The following TMEM236 variants were observed in gnomAD, a reference collection of about 807,000 sequenced individuals.
TMEM236 encodes the protein transmembrane protein 236.
Under a neutral mutation model 14.7 loss-of-function variants are expected in TMEM236, and 11 were observed. The ratio of observed to expected loss-of-function variants is 0.75; its 90% CI spans 0.47 to 1.24. The LOEUF is 1.24. TMEM236 is among the 50% of genes most tolerant of loss of function. The probability of loss-of-function intolerance (pLI) is 0.00; values close to 1 mark genes in which losing one functional copy is unlikely to be tolerated. For missense variants in TMEM236, 464 were observed against 427.3 expected (o/e 1.09, Z -0.76); for synonymous variants, 182 against 168.6 (o/e 1.08, Z -0.62).
chr10:17,770,676 C>A (rs575524900), intron 1 of TMEM236, among the ~76,000 whole-genome samples: 1 of 152,314 alleles, frequency 6.6e-6, no homozygotes, highest in South Asian at 2.1e-4. Flanking sequence ...AGCCACCGTG[C>A]CCGGCCACAT....
chr10:17,765,462 C>G (rs1837447403), intron 1 of TMEM236, among the ~76,000 whole-genome samples: 1 of 152,118 alleles, frequency 6.6e-6, no homozygotes, highest in African/African-American at 2.4e-5. Flanking sequence ...TCAAAATCAT[C>G]CAAACAAGGT....
At chr10:17,775,360 G>A (rs965685313) in intron 2 of TMEM236, among the ~76,000 whole-genome samples, 3 of 152,042 alleles carry the variant, frequency 2.0e-5, no homozygotes, top group Admixed American at 2.0e-4. Flanking sequence ...CTGCAGCCTC[G>A]ACCTCCTGGG....
chr10:17,759,875 C>T (rs1307772937), intron 1 of TMEM236, among the ~76,000 whole-genome samples: 3 of 142,980 alleles, frequency 2.1e-5, no homozygotes, highest in African/African-American at 7.8e-5. Flanking sequence ...CCCAGCTACT[C>T]GGGAGGCTGA....
Position 17,798,429 on chromosome 10 carries a change from C to T in TMEM236, c.*1925C>T, listed in dbSNP as rs946512327. ...TGATCTGCAACTATAGTCCCAGCTA[C>T]TTAGGAGGCTGGGGCAGGAAGATTG... On this transcript the variant is annotated 3_prime_UTR_variant, in exon 4 of 4. Coordinates refer to ENST00000377495, the MANE Select transcript of TMEM236 (RefSeq NM_001098844.3). 369 of 409,062 alleles carry T rather than the reference C, an allele frequency of 9.0e-4. No individual in the cohort carries two copies. Among genetic ancestry groups the T allele is most frequent in the Admixed American group, 1.5e-3 (49 of 32,380 alleles). 25.3% of individuals were successfully genotyped at this position (409,062 alleles called of 1,614,324 possible).
chr10:17,772,609 T>G (rs1276079751), intron 2 of TMEM236, among the ~76,000 whole-genome samples: 1 of 152,112 alleles, frequency 6.6e-6, no homozygotes, highest in Non-Finnish European at 1.5e-5. Context: ...TCTTACTTAA[T>G]TTTCACCGAA....
intron 2 of TMEM236, among the ~76,000 whole-genome samples, chr10:17,774,888 C>T (rs1837634981): frequency 6.6e-6 from 1 of 151,812 alleles, no homozygotes; most frequent in Non-Finnish European, 1.5e-5. Context: ...ACCTCTGCCT[C>T]CTGGGTTCAA....
At position 17,752,567 on chromosome 10, in the gene TMEM236, T is replaced by C; in HGVS notation, c.257+15T>C. The C allele has an allele frequency of 6.2e-7, 1 of 1,610,412 alleles. No homozygotes were observed. Among genetic ancestry groups the C allele is most frequent in the Admixed American group, 1.7e-5 (1 of 59,948 alleles). On this transcript the variant is annotated intron_variant, in intron 1 of 3. Transcript: ENST00000377495. ...ATTAAAGGATGGTAAGTAAAAGAATTTTCTTTTTTTTCTTTTTGATTTGGA... is the reference window on the plus strand; with the variant it reads ...ATTAAAGGATGGTAAGTAAAAGAATCTTCTTTTTTTTCTTTTTGATTTGGA...
At chr10:17,791,393 G>A (rs1290479856) in intron 3 of TMEM236, among the ~76,000 whole-genome samples, 1 of 152,178 alleles carries the variant, frequency 6.6e-6, no homozygotes, top group Admixed American at 6.5e-5. Flanking sequence ...GAGAGTTGGA[G>A]GCTGTAGTGC....
chr10:17,769,777 G>A (rs1837537188), intron 1 of TMEM236, among the ~76,000 whole-genome samples: 1 of 152,134 alleles, frequency 6.6e-6, no homozygotes, highest in Non-Finnish European at 1.5e-5. Flanking sequence ...ATGGTGCTGG[G>A]ATGGGGGAGG....
chr10:17,768,161 C>T (rs990658179), intron 1 of TMEM236, among the ~76,000 whole-genome samples: 7 of 140,104 alleles, frequency 5.0e-5, no homozygotes, highest in South Asian at 2.3e-4. Context: ...CTCCTGGGCT[C>T]GAGTGATCCA....
intron 1 of TMEM236, among the ~76,000 whole-genome samples, chr10:17,769,309 G>A (rs1434395961): frequency 4.6e-5 from 7 of 152,166 alleles, no homozygotes; most frequent in African/African-American, 1.7e-4. Context: ...GAACAAGTAT[G>A]GAGGAGGACT....
chr10:17,784,564 T>C (rs907990965), intron 3 of TMEM236, among the ~76,000 whole-genome samples: 23 of 152,266 alleles, frequency 1.5e-4, no homozygotes, highest in South Asian at 4.1e-4. Flanking sequence ...AAATCAACTA[T>C]GGAAATTTAA....
At chr10:17,772,417 C>T (rs1237711357) in intron 2 of TMEM236, among the ~76,000 whole-genome samples, 1 of 152,170 alleles carries the variant, frequency 6.6e-6, no homozygotes, top group African/African-American at 2.4e-5. Flanking sequence ...TGTCTTTTCC[C>T]CTCTCAAAGA....
intron 3 of TMEM236, among the ~76,000 whole-genome samples, chr10:17,792,796 A>C (rs1051465377): frequency 1.3e-5 from 2 of 152,218 alleles, no homozygotes; most frequent in African/African-American, 4.8e-5. Context: ...GCACCAATGA[A>C]TATTGTTTTA....
At position 17,752,234 on chromosome 10, in the gene TMEM236, C is replaced by T. The variant is rs1466998446; in HGVS notation, c.-62C>T. 2 of 1,613,474 alleles carry T rather than the reference C, an allele frequency of 1.2e-6. No individual in the cohort carries two copies. The highest frequency in any genetic ancestry group is 2.2e-5 in the East Asian group (1 of 44,894). ...TGATCCCAGTTCAGTGTCTGTGGGT[C>T]CATATGCTGCCCACAGTCAAAGAGG... On this transcript the variant is annotated 5_prime_UTR_variant, in exon 1 of 4. Transcript: ENST00000377495.
At chr10:17,762,025 G>A (rs1408199191) in intron 1 of TMEM236, among the ~76,000 whole-genome samples, 2 of 152,064 alleles carry the variant, frequency 1.3e-5, no homozygotes, top group Non-Finnish European at 2.9e-5. Context: ...GCCAGGAGCT[G>A]TCACATTACT....
At chr10:17,763,362 G>A (rs1236236654) in intron 1 of TMEM236, among the ~76,000 whole-genome samples, 1 of 152,048 alleles carries the variant, frequency 6.6e-6, no homozygotes, top group East Asian at 1.9e-4. Context: ...AGGCTGAGGT[G>A]GGAGGATCAC....
chr10:17,789,038 G>A (rs1360297733), intron 3 of TMEM236, among the ~76,000 whole-genome samples: 2 of 152,176 alleles, frequency 1.3e-5, no homozygotes, highest in African/African-American at 4.8e-5. Flanking sequence ...TGTCTGTGGT[G>A]TAAATTCTCC....
At chr10:17,757,646 C>T (rs1446849853) in intron 1 of TMEM236, among the ~76,000 whole-genome samples, 3 of 150,740 alleles carry the variant, frequency 2.0e-5, no homozygotes, top group Admixed American at 6.6e-5. Flanking sequence ...GATTTGTGAG[C>T]CTAGGTCTGT....
Sources: gnomAD v4.1 joint callset for allele counts (sites outside exome capture counted in the v4.1 genomes callset) on GRCh38, gnomAD v4.1.1 for gene constraint, MANE v1.5 for transcripts, NCBI Gene and HGNC (gene_info 2026-07-23, HGNC 2026-07-21) for gene names.